Variants in BTBD9 observed in about 807,000 individuals in gnomAD.
The protein encoded by BTBD9 is BTB/POZ domain-containing protein 9.
A neutral mutation model predicts 64.3 loss-of-function variants in BTBD9; 49 were observed. The ratio of observed to expected loss-of-function variants is 0.76; its 90% CI spans 0.61 to 0.97. BTBD9 has a LOEUF of 0.97. Among genes scored for constraint, BTBD9 ranks in the 50% least tolerant of loss-of-function variants. BTBD9 has a pLI of 0.00. For synonymous variants in BTBD9, 260 were observed against 274.7 expected, an observed-to-expected ratio of 0.95 and a Z score of 0.53; for missense variants, 598 against 762.1, an observed-to-expected ratio of 0.78 and a Z score of 2.53.
chr6:38,525,203 T>G, intron 6 of BTBD9, among the ~76,000 whole-genome samples: 1 of 152,134 alleles, frequency 6.6e-6, no homozygotes, highest in East Asian at 1.9e-4. Flanking sequence ...CTCATGACAG[T>G]GAGTGAGTTC....
At chr6:38,585,898 G>C (rs1776493404) in intron 4 of BTBD9, among the ~76,000 whole-genome samples, 1 of 150,908 alleles carries the variant, frequency 6.6e-6, no homozygotes, top group Non-Finnish European at 1.5e-5. Flanking sequence ...CCCTCAGTCT[G>C]AGGAAACTAT....
At chr6:38,190,249 T>C (rs1239042677) in intron 10 of BTBD9, among the ~76,000 whole-genome samples, 2 of 151,872 alleles carry the variant, frequency 1.3e-5, no homozygotes, top group East Asian at 3.9e-4. Context: ...GTGGATCACC[T>C]GAGGTCAGGA....
chr6:38,314,418 AT>A (rs946845469), intron 7 of BTBD9, among the ~76,000 whole-genome samples: 6 of 150,290 alleles, frequency 4.0e-5, no homozygotes, highest in African/African-American at 9.8e-5. Flanking sequence ...GATGAATTTT[AT>A]TTTTTTTTAA....
chr6:38,463,926 G>C (rs943194175), intron 6 of BTBD9, among the ~76,000 whole-genome samples: 2 of 152,132 alleles, frequency 1.3e-5, no homozygotes, highest in African/African-American at 4.8e-5. Context: ...CAACTACTTG[G>C]GAGGCTGAGG....
At chr6:38,534,095 T>C (rs1422473351) in intron 6 of BTBD9, among the ~76,000 whole-genome samples, 1 of 151,910 alleles carries the variant, frequency 6.6e-6, no homozygotes, top group East Asian at 1.9e-4. Context: ...AAACAAAGAC[T>C]TGGTTTTTTG....
chr6:38,175,466 G>A (rs529174872), intron 10 of BTBD9, among the ~76,000 whole-genome samples: 29 of 152,336 alleles, frequency 1.9e-4, no homozygotes, highest in East Asian at 1.7e-3. Flanking sequence ...GGATTACTCC[G>A]TTTTTGCCAA....
chr6:38,435,830 G>A (rs955393640), intron 6 of BTBD9, among the ~76,000 whole-genome samples: 32 of 150,958 alleles, frequency 2.1e-4, no homozygotes, highest in South Asian at 4.2e-4. Context: ...CACTGCGCCC[G>A]GCTAATTTTT....
intron 6 of BTBD9, among the ~76,000 whole-genome samples, chr6:38,519,246 G>T (rs1773181087): frequency 6.6e-6 from 1 of 152,092 alleles, no homozygotes; most frequent in African/African-American, 2.4e-5. Flanking sequence ...GGATCATAAG[G>T]GCTCATAAGG....
At chr6:38,309,707 A>G (rs1762758138) in intron 7 of BTBD9, among the ~76,000 whole-genome samples, 1 of 151,618 alleles carries the variant, frequency 6.6e-6, no homozygotes, top group South Asian at 2.1e-4. Flanking sequence ...CACTGCGCCC[A>G]GCCTATTTAA....
At chr6:38,368,481 C>T (rs774382566) in intron 6 of BTBD9, among the ~76,000 whole-genome samples, 1 of 151,978 alleles carries the variant, frequency 6.6e-6, no homozygotes, top group African/African-American at 2.4e-5. Context: ...ATTATAGGTG[C>T]CTGCCACTGT....
intron 10 of BTBD9, among the ~76,000 whole-genome samples, chr6:38,186,593 C>G (rs1344017062): frequency 6.6e-6 from 1 of 152,106 alleles, no homozygotes; most frequent in Non-Finnish European, 1.5e-5. Context: ...GATCACTCAC[C>G]CATTCATTCA....
chr6:38,331,671 C>A (rs918001140), intron 7 of BTBD9, among the ~76,000 whole-genome samples: 3 of 152,176 alleles, frequency 2.0e-5, no homozygotes, highest in Non-Finnish European at 4.4e-5. Flanking sequence ...CCAGCCTGAG[C>A]AAACATAATG....
chr6:38,561,281 G>A lies in BTBD9; in HGVS notation c.1154+16319C>T, dbSNP rs533212800. 5.9e-5 allele frequency among the ~76,000 whole-genome samples: 9 copies of A among 152,038 alleles called. No homozygotes were observed. In the East Asian group the frequency reaches 1.7e-3, roughly 29 times the overall value. Reference sequence around the variant, plus strand: ...TTTTTTTACTTTTTAATACAGAATGGCTATTATTAAAAAATAACAGATGCT... The same window carrying A: ...TTTTTTTACTTTTTAATACAGAATGACTATTATTAAAAAATAACAGATGCT... On this transcript the variant is annotated intron_variant, in intron 6 of 10. Coordinates refer to ENST00000481247, the MANE Select transcript of BTBD9 (RefSeq NM_001099272.2).
chr6:38,580,318 G>C lies in BTBD9; in HGVS notation c.934C>G (p.His312Asp). The C allele has an allele frequency of 6.2e-7, 1 of 1,614,186 alleles. No individual in the cohort carries two copies. The highest frequency in any genetic ancestry group is 8.5e-7 in the Non-Finnish European group (1 of 1,180,036). The change falls in exon 5 of 11, where the codon CAC (histidine) becomes GAC (aspartate). Residue 312 changes from histidine (H) to aspartate (D), a missense_variant. Transcript: ENST00000481247. ...NYDLDHGFSR[H>D]PIDDDCRSGI... Reference sequence around the variant, plus strand: ...GAACGGCAGTCATCATCAATTGGGTGCCTTGAAAATCCATGATCCAAATCA... The same window carrying C: ...GAACGGCAGTCATCATCAATTGGGTCCCTTGAAAATCCATGATCCAAATCA...
intron 4 of BTBD9, among the ~76,000 whole-genome samples, chr6:38,585,866 T>C (rs559901777): frequency 1.3e-5 from 2 of 151,346 alleles, no homozygotes; most frequent in African/African-American, 4.9e-5. Flanking sequence ...AACCAAGAAA[T>C]ATAATATCAC....
intron 7 of BTBD9, among the ~76,000 whole-genome samples, chr6:38,302,859 T>C (rs1762467173): frequency 6.6e-6 from 1 of 152,162 alleles, no homozygotes; most frequent in African/African-American, 2.4e-5. Flanking sequence ...TGAAGTAATA[T>C]ATCCCTGTGG....
At chr6:38,235,046 G>C (rs1931761) in intron 9 of BTBD9, among the ~76,000 whole-genome samples, 17,419 of 152,234 alleles carry the variant, frequency 0.11, 1,085 homozygotes, top group Non-Finnish European at 0.14. Flanking sequence ...CACCAGTTAA[G>C]TTCTAGTACA....
intron 1 of BTBD9, among the ~76,000 whole-genome samples, chr6:38,609,190 C>A (rs1379917943): frequency 6.6e-6 from 1 of 151,864 alleles, no homozygotes; most frequent in Admixed American, 6.6e-5. Flanking sequence ...CAAAATGAAA[C>A]CTCATCTCTT....
rs183653331 is a variant in BTBD9 at position 38,482,907 on chromosome 6, C to G, written c.1154+94693G>C. 9.5e-4 allele frequency among the ~76,000 whole-genome samples: 145 copies of G among 152,252 alleles called. No individual in the cohort carries two copies. In the Middle Eastern group the frequency reaches 0.014, roughly 14 times the overall value. On this transcript the variant is annotated intron_variant, in intron 6 of 10. Coordinates refer to ENST00000481247, the MANE Select transcript of BTBD9 (RefSeq NM_001099272.2). ...AATCTGGGTACATCTATTCTACATA[C>G]TCTGCCTTTCCTCCTGTTACAGGAA...
Sources: allele counts gnomAD v4.1 joint callset (sites outside exome capture counted in the v4.1 genomes callset), GRCh38; gene constraint gnomAD v4.1.1; transcripts MANE v1.5; gene names NCBI Gene and HGNC (gene_info 2026-07-23, HGNC 2026-07-21).